MGST1: variants seen among roughly 807,000 people sequenced by gnomAD.
The protein encoded by MGST1 is microsomal glutathione S-transferase 1, also known as glutathione S-transferase 12.
Under a neutral mutation model 8.9 loss-of-function variants are expected in MGST1, and 5 were observed. The ratio of observed to expected loss-of-function variants is 0.56; its 90% CI spans 0.29 to 1.19. MGST1 has a LOEUF of 1.19. Among genes scored for constraint, MGST1 ranks in the 50% most tolerant of loss-of-function variants. The pLI, the probability that MGST1 is intolerant of heterozygous loss-of-function variation, is 0.08. For missense variants in MGST1, 182 were observed against 187.4 expected, an observed-to-expected ratio of 0.97 and a Z score of 0.17; for synonymous variants, 54 against 67.8, an observed-to-expected ratio of 0.80 and a Z score of 1.00.
In MGST1 at chr12:16,492,698, G is replaced by C. The variant is rs1490402025; in HGVS notation, n.483-96830G>C. Among the ~76,000 whole-genome samples, 3 of 152,056 alleles carry C rather than the reference G, an allele frequency of 2.0e-5. No individual in the cohort carries two copies. In the East Asian group the frequency reaches 5.8e-4, roughly 29 times the overall value. On this transcript the variant is annotated intron_variant and non_coding_transcript_variant, in intron 4 of 4. Coordinates refer to the MGST1 transcript ENST00000538857. ...CTGTCATAGCTAGACTATCACTAAA[G>C]ATTTTTTTAAAAAGGTCATTAAGGT...
At chr12:16,390,812 G>A (rs1940545907) in intron 1 of MGST1, among the ~76,000 whole-genome samples, 1 of 151,936 alleles carries the variant, frequency 6.6e-6, no homozygotes, top group Non-Finnish European at 1.5e-5. Flanking sequence ...GTATTGTTCT[G>A]GGTATAGACC....
At chr12:16,514,096 T>G in intron 4 of MGST1, 1 of 381,914 alleles carries the variant, frequency 2.6e-6, no homozygotes, top group Admixed American at 3.4e-5. Context: ...AACAAAAATC[T>G]CTTTGCACTC....
At chr12:16,431,804 A>G (rs1940941830) in intron 1 of MGST1, among the ~76,000 whole-genome samples, 1 of 152,190 alleles carries the variant, frequency 6.6e-6, no homozygotes, top group Non-Finnish European at 1.5e-5. Context: ...GGTTTCTGCA[A>G]ACATCCAAGT....
In MGST1 at chr12:16,458,680, T is replaced by C. The variant is rs998579859; in HGVS notation, n.482+75076T>C. Among the ~76,000 whole-genome samples the C allele has an allele frequency of 1.3e-5, 2 of 152,066 alleles. No individual in the cohort carries two copies. The highest frequency in any genetic ancestry group is 2.9e-5 in the Non-Finnish European group (2 of 67,982). On this transcript the variant is annotated intron_variant and non_coding_transcript_variant, in intron 4 of 4. Transcript: ENST00000538857. The surrounding 1 kb of genome is among the most constrained non-coding windows in gnomAD (Gnocchi z 4.0). Reference sequence around the variant, plus strand: ...ATATCAGTAGGTAGGCAGTTGAGTATTTATATGAGAGTTATTGTGACTCAT... The same window carrying C: ...ATATCAGTAGGTAGGCAGTTGAGTACTTATATGAGAGTTATTGTGACTCAT...
chr12:16,432,729 C>G (rs55755741), intron 1 of MGST1, among the ~76,000 whole-genome samples: 78,926 of 129,484 alleles, frequency 0.61, 24,204 homozygotes, highest in East Asian at 0.91. Flanking sequence ...CACACACACA[C>G]ACAGAGAGAG....
At chr12:16,432,375 C>T (rs1008608973) in intron 1 of MGST1, among the ~76,000 whole-genome samples, 4 of 151,934 alleles carry the variant, frequency 2.6e-5, no homozygotes, top group Non-Finnish European at 5.9e-5. Flanking sequence ...TTTAAAAATC[C>T]ACAATAAGTT....
intron 1 of MGST1, 47 bp from the exon 2 acceptor site, chr12:16,354,184 T>G: frequency 7.5e-7 from 1 of 1,341,804 alleles, no homozygotes; most frequent in Non-Finnish European, 1.0e-6. Flanking sequence ...CCAGTTATTT[T>G]GGGTATTTAT....
rs148123560 is a variant in MGST1, at chr12:16,488,348, C to G, written n.483-101180C>G. On this transcript the variant is annotated intron_variant and non_coding_transcript_variant, in intron 4 of 4. Transcript: ENST00000538857. The stretch of plus-strand genomic sequence containing the variant: ...CCTTTGGAATGGGGCCTCAGTTCCA[C>G]CCTCCCTCATCTCTCTCCCCTCTCT... 5.7e-3 allele frequency among the ~76,000 whole-genome samples: 873 copies of G among 152,182 alleles called. 7 individuals are homozygous for G. The highest frequency in any genetic ancestry group is 0.02 in the African/African-American group (829 of 41,502).
At chr12:16,399,545 A>T in intron 1 of MGST1, 1 of 1,567,454 alleles carries the variant, frequency 6.4e-7, no homozygotes, top group Non-Finnish European at 8.8e-7. Context: ...AATCTTCATC[A>T]CTGTCCTCCT....
intron 1 of MGST1, chr12:16,402,272 A>C: frequency 4.4e-6 from 7 of 1,589,360 alleles, no homozygotes; most frequent in Non-Finnish European, 6.0e-6. Context: ...TCTGTAAGGC[A>C]GTTGATTTGG....
intron 4 of MGST1, among the ~76,000 whole-genome samples, chr12:16,521,467 G>A (rs1281576298): frequency 2.0e-5 from 3 of 152,014 alleles, no homozygotes; most frequent in African/African-American, 7.2e-5. Context: ...TTATTTAGAG[G>A]CAGACAAGCA....
chr12:16,375,807 A>C (rs1565442609), intron 3 of MGST1, among the ~76,000 whole-genome samples: 1 of 151,844 alleles, frequency 6.6e-6, no homozygotes, highest in East Asian at 1.9e-4. Context: ...AGGAATTAGC[A>C]AGCAGATGCA....
intron 4 of MGST1, among the ~76,000 whole-genome samples, chr12:16,521,021 G>A (rs1591750869): frequency 6.6e-6 from 1 of 152,024 alleles, no homozygotes; most frequent in East Asian, 1.9e-4. Context: ...CCTTCATCCA[G>A]TCATGATGCC....
chr12:16,432,093 A>G (rs1190448563), intron 1 of MGST1, among the ~76,000 whole-genome samples: 1 of 152,074 alleles, frequency 6.6e-6, no homozygotes, highest in Non-Finnish European at 1.5e-5. Flanking sequence ...TTTAATAGTG[A>G]TCCTTCACAT....
At position 16,413,273 on chromosome 12, in the gene MGST1, T is replaced by C. The variant is rs1437346748; in HGVS notation, n.779-24115T>C. ...GGGCAACCACCACATACCACTTGTG[T>C]TGAGAAGCCATGCTAGCCACTGCTC... is the stretch of plus-strand genomic sequence containing the variant. On this transcript the variant is annotated intron_variant and non_coding_transcript_variant, in intron 1 of 1. Coordinates refer to the MGST1 transcript ENST00000359720. The surrounding 1 kb of genome is among the most constrained non-coding windows in gnomAD (Gnocchi z 4.0). Among the ~76,000 whole-genome samples, 1 of 152,164 alleles carries C rather than the reference T, an allele frequency of 6.6e-6. No individual in the cohort carries two copies.
At chr12:16,454,768 T>G (rs1290465087) in intron 4 of MGST1, among the ~76,000 whole-genome samples, 2 of 150,982 alleles carry the variant, frequency 1.3e-5, no homozygotes, top group African/African-American at 4.9e-5. Flanking sequence ...GTAGAAATGT[T>G]CCTTGGGTAG....
At chr12:16,420,140 A>T (rs909303664) in intron 1 of MGST1, among the ~76,000 whole-genome samples, 3 of 146,586 alleles carry the variant, frequency 2.0e-5, no homozygotes, top group Admixed American at 2.0e-4. Flanking sequence ...CATACAAAAT[A>T]ATTTTTTCTC....
chr12:16,540,611 G>A (rs1302008971), intron 4 of MGST1, among the ~76,000 whole-genome samples: 2 of 152,198 alleles, frequency 1.3e-5, no homozygotes, highest in Non-Finnish European at 2.9e-5. Flanking sequence ...TTTAAGATTG[G>A]GTTAGAAGGT....
At chr12:16,563,897 T>C (rs1942492788) in intron 4 of MGST1, among the ~76,000 whole-genome samples, 1 of 152,226 alleles carries the variant, frequency 6.6e-6, no homozygotes, top group African/African-American at 2.4e-5. Flanking sequence ...GATTATTAAA[T>C]CATGATACAT....
Sources: gnomAD v4.1 joint callset for allele counts (sites outside exome capture counted in the v4.1 genomes callset) on GRCh38, gnomAD v4.1.1 for gene constraint, Gnocchi (gnomAD v3.1) non-coding constraint, MANE v1.5 for transcripts, NCBI Gene and HGNC (gene_info 2026-07-23, HGNC 2026-07-21) for gene names.